The following NBEA variants were observed in gnomAD, a reference collection of about 807,000 sequenced individuals.
NBEA encodes neurobeachin.
NBEA carries 44 observed loss-of-function variants against 343.4 expected under a neutral mutation model. The observed-to-expected ratio is 0.13, with a 90% confidence interval of 0.10 to 0.16. NBEA has a LOEUF of 0.16. Among genes scored for constraint, NBEA ranks in the 10% least tolerant of loss-of-function variants. The pLI is 1.00. For synonymous variants in NBEA, 1,175 were observed against 1,238.7 expected (o/e 0.95, Z 1.08); for missense variants, 2,555 against 3,631.3 (o/e 0.70, Z 7.62).
At chr13:35,507,045 A>G (rs1258656712) in intron 41 of NBEA, among the ~76,000 whole-genome samples, 2 of 152,140 alleles carry the variant, frequency 1.3e-5, no homozygotes, top group Non-Finnish European at 2.9e-5. Flanking sequence ...ACCACTTAAC[A>G]TAGGCTTTGC....
intron 49 of NBEA, among the ~76,000 whole-genome samples, chr13:35,631,257 C>T (rs2083439734): frequency 6.6e-6 from 1 of 152,096 alleles, no homozygotes; most frequent in African/African-American, 2.4e-5. Context: ...ATATACAACC[C>T]CTATGAGTAG....
At chr13:35,532,661 A>G (rs988601333) in intron 41 of NBEA, among the ~76,000 whole-genome samples, 1 of 152,096 alleles carries the variant, frequency 6.6e-6, no homozygotes. Context: ...TAAGTAAAAT[A>G]TGACAATAAT....
chr13:35,296,754 A>G (rs2036160688), intron 35 of NBEA, among the ~76,000 whole-genome samples: 1 of 152,066 alleles, frequency 6.6e-6, no homozygotes, highest in Non-Finnish European at 1.5e-5. Context: ...ATATATATAT[A>G]TATTTCACAC....
rs148447322 is a variant in NBEA at position 35,540,693 on chromosome 13, G to C, written c.6586-9784G>C. Among the ~76,000 whole-genome samples, 420 of 152,220 alleles carry C rather than the reference G, an allele frequency of 2.8e-3. 1 individual carries two copies. The highest frequency in any genetic ancestry group is 0.018 in the Admixed American group (276 of 15,284). On this transcript the variant is annotated intron_variant, in intron 41 of 58. Coordinates refer to ENST00000379939, the MANE Select transcript of NBEA (RefSeq NM_001385012.1). The stretch of plus-strand genomic sequence containing the variant: ...AAATATTTTGCTCAACAAAAATTGA[G>C]TTCCTTCTCTGTGCAAGTTCTATAA...
Position 35,159,448 on chromosome 13 carries a change from G to C in NBEA, c.3277G>C (p.Glu1093Gln). ...GGENGALVEV[E>Q]SLLDNVYSAA... is the part of the protein sequence containing the mutation. Reference sequence around the variant, plus strand: ...AGAGAATGGTGCCCTTGTGGAGGTTGAATCTCTGTTGGATAATGTATATAG... The same window carrying C: ...AGAGAATGGTGCCCTTGTGGAGGTTCAATCTCTGTTGGATAATGTATATAG... Residue 1093 changes from glutamate to glutamine, a missense_variant, in exon 22 of 59, where the codon GAA becomes CAA. By Grantham distance (29) the Glu-to-Gln change is conservative. Coordinates refer to ENST00000379939, the MANE Select transcript of NBEA (RefSeq NM_001385012.1). 2.5e-6 allele frequency: 4 copies of C among 1,613,368 alleles called. No homozygotes were observed. Among genetic ancestry groups the C allele is most frequent in the Non-Finnish European group, 3.4e-6 (4 of 1,179,656 alleles).
intron 34 of NBEA, among the ~76,000 whole-genome samples, chr13:35,257,525 T>G (rs774622157): frequency 3.9e-5 from 6 of 152,224 alleles, no homozygotes; most frequent in Non-Finnish European, 8.8e-5. Flanking sequence ...ATTTAAAAAA[T>G]ACTTCATGTG....
intron 41 of NBEA, among the ~76,000 whole-genome samples, chr13:35,525,789 T>C (rs1297910738): frequency 2.0e-5 from 3 of 152,112 alleles, no homozygotes; most frequent in Non-Finnish European, 2.9e-5. Flanking sequence ...CCAGCACTTT[T>C]GGTGTCTGGT....
chr13:35,630,571 C>T (rs181351434), intron 49 of NBEA, among the ~76,000 whole-genome samples: 27 of 152,198 alleles, frequency 1.8e-4, no homozygotes, highest in African/African-American at 5.8e-4. Context: ...CATGCTCATT[C>T]GAAGCACATA....
chr13:35,254,664 T>C (rs1458647480), intron 34 of NBEA, among the ~76,000 whole-genome samples: 3 of 152,140 alleles, frequency 2.0e-5, no homozygotes, highest in African/African-American at 7.2e-5. Context: ...TACAATACTT[T>C]AATTTTGTTC....
At position 35,401,527 on chromosome 13, in the gene NBEA, T is replaced by C. The variant is rs370120903; in HGVS notation, c.6180-30742T>C. 2.4e-4 allele frequency among the ~76,000 whole-genome samples: 36 copies of C among 152,138 alleles called. 1 individual carries two copies. The South Asian group carries it at 7.3e-3, about 31-fold the overall frequency. On this transcript the variant is annotated intron_variant, in intron 38 of 58. Transcript: ENST00000379939. ...CACTATTGTGGAAAACTTCACCAGG[T>C]TCCCTAAAGTTAGTTAATCAAGTCT...
intron 18 of NBEA, among the ~76,000 whole-genome samples, chr13:35,144,420 G>A (rs2068287669): frequency 6.6e-6 from 1 of 152,100 alleles, no homozygotes. Flanking sequence ...GAGGTCCTAG[G>A]TGAACCTCCA....
chr13:34,944,367 T>C (rs142901185), intron 1 of NBEA, among the ~76,000 whole-genome samples: 189 of 152,360 alleles, frequency 1.2e-3, no homozygotes, highest in African/African-American at 4.5e-3. Flanking sequence ...CATTAGATAA[T>C]GTCTACGGTT....
chr13:35,264,016 C>T (rs2152800037), intron 34 of NBEA, among the ~76,000 whole-genome samples: 1 of 149,498 alleles, frequency 6.7e-6, no homozygotes, highest in Non-Finnish European at 1.5e-5. Context: ...CTTTACAAAC[C>T]ATTAGCTAGA....
intron 41 of NBEA, among the ~76,000 whole-genome samples, chr13:35,495,393 A>G (rs922342582): frequency 8.6e-5 from 13 of 152,028 alleles, no homozygotes; most frequent in African/African-American, 2.9e-4. Flanking sequence ...ATAGAATTGA[A>G]AAAAGAAATA....
chr13:35,426,712 G>T (rs1474640393), intron 38 of NBEA, among the ~76,000 whole-genome samples: 1 of 152,148 alleles, frequency 6.6e-6, no homozygotes. Context: ...GGTTGGGGAA[G>T]TTCTCCTGGA....
chr13:35,149,771 C>A (rs74048918), intron 18 of NBEA, among the ~76,000 whole-genome samples: 4,295 of 152,186 alleles, frequency 0.028, 92 homozygotes, highest in South Asian at 0.075. Context: ...GTAGTCAGTG[C>A]AACTTTATAT....
At chr13:35,504,794 G>A (rs1466324460) in intron 41 of NBEA, among the ~76,000 whole-genome samples, 1 of 151,914 alleles carries the variant, frequency 6.6e-6, no homozygotes, top group African/African-American at 2.4e-5. Flanking sequence ...TTTTTGTAGA[G>A]ACAGAGGTCT....
intron 41 of NBEA, among the ~76,000 whole-genome samples, chr13:35,507,597 C>A (rs1362113951): frequency 6.6e-6 from 1 of 152,154 alleles, no homozygotes; most frequent in Non-Finnish European, 1.5e-5. Context: ...CTCTTTCAAT[C>A]CAGTTGTTCG....
At chr13:35,355,687 C>T (rs1165484099) in intron 38 of NBEA, among the ~76,000 whole-genome samples, 1 of 152,076 alleles carries the variant, frequency 6.6e-6, no homozygotes, top group Non-Finnish European at 1.5e-5. Flanking sequence ...ATACTCTCCC[C>T]TTGGTTCTTT....
Sources: gnomAD v4.1 joint callset for allele counts (sites outside exome capture counted in the v4.1 genomes callset) on GRCh38, gnomAD v4.1.1 for gene constraint, MANE v1.5 for transcripts, NCBI Gene and HGNC (gene_info 2026-07-23, HGNC 2026-07-21) for gene names.